CFAP100: variants seen among roughly 807,000 people sequenced by gnomAD.
CFAP100 encodes the protein cilia and flagella associated protein 100.
A neutral mutation model predicts 81.5 loss-of-function variants in CFAP100; 70 were observed. The observed-to-expected ratio is 0.86, with a 90% CI of 0.71 to 1.05. CFAP100 has a LOEUF of 1.05. Ranked by LOEUF, CFAP100 falls within the 50% of genes least tolerant of loss-of-function variation. The pLI is 0.00. For synonymous variants in CFAP100, 341 were observed against 314.8 expected (o/e 1.08, Z -0.88); for missense variants, 811 against 776.5 (o/e 1.04, Z -0.53).
rs1265039620 is a variant in CFAP100 at position 126,435,595 on chromosome 3, A to G, written c.1665A>G (p.Leu555=). Residue 555 remains leucine, a synonymous_variant, in exon 16 of 17, where the codon CTA becomes CTG. Coordinates refer to ENST00000352312, the MANE Select transcript of CFAP100 (RefSeq NM_182628.3). ...AGAAGCTCCAGATGCAAAAGATCCT[A>G]CAGGAGGAGCATCTGCAGCGGGCCC... The part of the protein sequence containing the change: ...REEKLQMQKI[L]QEEHLQRARA... The G allele has an allele frequency of 6.2e-7, 1 of 1,612,480 alleles. No homozygotes were observed. The highest frequency in any genetic ancestry group is 2.2e-5 in the East Asian group (1 of 44,754).
chr3:126,426,502 A>G (rs1932944121), intron 13 of CFAP100, among the ~76,000 whole-genome samples: 1 of 151,518 alleles, frequency 6.6e-6, no homozygotes, highest in Non-Finnish European at 1.5e-5. Context: ...CTGTAATCCC[A>G]GCACTTTGGG....
intron 2 of CFAP100, among the ~76,000 whole-genome samples, chr3:126,400,009 G>A (rs2082948658): frequency 6.6e-6 from 1 of 152,182 alleles, no homozygotes; most frequent in South Asian, 2.1e-4. Flanking sequence ...TCCAACTCCA[G>A]GGTCTAAAGC....
At chr3:126,418,239 C>T in intron 5 of CFAP100, 1 of 571,560 alleles carries the variant, frequency 1.7e-6, no homozygotes, top group East Asian at 3.0e-5. Context: ...TCCCACGCGG[C>T]CGGACTCTGG....
intron 11 of CFAP100, 34 bp from the exon 12 acceptor site, chr3:126,423,291 G>C: frequency 1.3e-6 from 2 of 1,594,632 alleles, no homozygotes; most frequent in Non-Finnish European, 1.7e-6. Flanking sequence ...GCTCAGGCTG[G>C]TCCCAGAGTC....
At chr3:126,418,325 T>A (rs1204459558) in intron 5 of CFAP100, 133 bp from the exon 6 acceptor site, 7 of 709,648 alleles carry the variant, frequency 9.9e-6, no homozygotes, top group Non-Finnish European at 1.7e-5. Flanking sequence ...CTACCTTCCA[T>A]GGTCCCGGTA....
chr3:126,398,425 C>T (rs1360193824), intron 2 of CFAP100, among the ~76,000 whole-genome samples: 3 of 152,222 alleles, frequency 2.0e-5, no homozygotes, highest in Non-Finnish European at 4.4e-5. Flanking sequence ...GTACAAGACT[C>T]CAGAAGGAGC....
chr3:126,421,247 G>A (rs1295170288), intron 11 of CFAP100, among the ~76,000 whole-genome samples: 3 of 151,842 alleles, frequency 2.0e-5, no homozygotes, highest in Admixed American at 6.6e-5. Flanking sequence ...CAGGTGATCC[G>A]CCCGCCTCAG....
At chr3:126,419,273 C>T in intron 8 of CFAP100, 117 bp downstream of exon 8, 2 of 674,012 alleles carry the variant, frequency 3.0e-6, no homozygotes, top group Admixed American at 6.2e-5. Flanking sequence ...CTCCCAGGGA[C>T]TCTGCTTCCA....
In CFAP100 at chr3:126,414,198, C is replaced by T. The variant is rs371091744; in HGVS notation, c.225+19C>T. On this transcript the variant is annotated intron_variant, in intron 4 of 16. Transcript: ENST00000352312. Reference sequence around the variant, plus strand: ...TCTCTCCGTGAGTATCCAGGACAGACGCCAGCACCTCCGGGAGCTTCCCTG... The same window carrying T: ...TCTCTCCGTGAGTATCCAGGACAGATGCCAGCACCTCCGGGAGCTTCCCTG... The T allele has an allele frequency of 1.7e-4, 268 of 1,576,020 alleles. 1 individual carries two copies. The highest frequency in any genetic ancestry group is 7.2e-4 in the South Asian group (65 of 90,254).
intron 2 of CFAP100, among the ~76,000 whole-genome samples, chr3:126,400,677 G>A (rs1049902109): frequency 3.3e-5 from 5 of 152,136 alleles, no homozygotes; most frequent in East Asian, 1.9e-4. Flanking sequence ...GCGTGAACCC[G>A]GGAGGCGGAG....
chr3:126,427,187 A>G (rs551440737), intron 13 of CFAP100, among the ~76,000 whole-genome samples: 22 of 152,356 alleles, frequency 1.4e-4, no homozygotes, highest in African/African-American at 5.0e-4. Context: ...AATACCCAGA[A>G]TAGCCAACAC....
chr3:126,433,196 G>A lies in CFAP100; in HGVS notation c.1414G>A (p.Asp472Asn), dbSNP rs745569292. 226 of 1,613,906 alleles carry A rather than the reference G, an allele frequency of 1.4e-4. No individual in the cohort carries two copies. The highest frequency in any genetic ancestry group is 1.8e-4 in the Non-Finnish European group (217 of 1,179,964). The change falls in exon 14 of 17, where the codon GAT (aspartate) becomes AAT (asparagine). Residue 472 changes from aspartate (D) to asparagine (N), a missense_variant. Transcript: ENST00000352312. ...RVFHFGEYKG[D>N]QQDKLLESLN... Reference sequence around the variant, plus strand: ...CTTCCACTTCGGCGAGTACAAGGGCGATCAGCAGGTAGGCTGGGGATCAAG... The same window carrying A: ...CTTCCACTTCGGCGAGTACAAGGGCAATCAGCAGGTAGGCTGGGGATCAAG...
chr3:126,396,146 C>G, intron 2 of CFAP100, 97 bp downstream of exon 2: 1 of 930,084 alleles, frequency 1.1e-6, no homozygotes, highest in South Asian at 1.3e-5. Context: ...AAACCAAACA[C>G]TAGGCAGGAG....
chr3:126,414,142 T>A lies in CFAP100; in HGVS notation c.188T>A (p.Phe63Tyr), dbSNP rs763599839. The A allele has an allele frequency of 6.2e-7, 1 of 1,614,110 alleles. No individual in the cohort carries two copies. The highest frequency in any genetic ancestry group is 1.7e-5 in the Admixed American group (1 of 60,022). ...PFHLSGDVDF[F>Y]LLRDQERNKA... ...CACTTATCTGGGGATGTGGATTTCT[T>A]CTTGCTCAGAGATCAGGAGCGGAAT... Residue 63 changes from phenylalanine to tyrosine, a missense_variant, in exon 4 of 17, where the codon TTC (phenylalanine) becomes TAC (tyrosine). Phe to Tyr is a conservative substitution (Grantham distance 22). Transcript: ENST00000352312.
chr3:126,401,892 C>A (rs191786694), intron 2 of CFAP100, among the ~76,000 whole-genome samples: 1 of 152,310 alleles, frequency 6.6e-6, no homozygotes, highest in African/African-American at 2.4e-5. Context: ...GGCTCCTCTT[C>A]AGCTCTGCCT....
chr3:126,407,189 A>G lies in CFAP100; in HGVS notation c.67A>G (p.Met23Val), dbSNP rs367729800. ...MTNDKNSLES[M>V]NISSSSSTEE... ...CTCCTCAGAGAACAGCCTGGAATCCATGAACATCAGCTCTTCTTCAAGCAC... is the reference window on the plus strand; with the variant it reads ...CTCCTCAGAGAACAGCCTGGAATCCGTGAACATCAGCTCTTCTTCAAGCAC... The change falls in exon 3 of 17, where the codon ATG becomes GTG. Residue 23 changes from methionine to valine, a missense_variant. Physicochemically the swap from Met to Val is conservative, Grantham distance 21 (BLOSUM62 1). Coordinates refer to ENST00000352312, the MANE Select transcript of CFAP100 (RefSeq NM_182628.3). The G allele has an allele frequency of 3.1e-6, 5 of 1,613,684 alleles. No homozygotes were observed. The Admixed American group carries it at 5.0e-5, about 16-fold the overall frequency.
At position 126,420,103 on chromosome 3, in the gene CFAP100, A is replaced by T; in HGVS notation, c.956A>T (p.Glu319Val). 6.2e-7 allele frequency: 1 copy of T among 1,613,298 alleles called. No homozygotes were observed. The highest frequency in any genetic ancestry group is 8.5e-7 in the Non-Finnish European group (1 of 1,180,006). ...KGKASSMWAK[E>V]GQGTKKPWRF... is the part of the protein sequence containing the mutation. ...GAAACTATTCCTCTGCTTTCTCCAG[A>T]GGGTCAGGGTACAAAGAAGCCCTGG... The change falls in exon 11 of 17, where the codon GAG (glutamate) becomes GTG (valine). Residue 319 changes from glutamate to valine, a missense_variant and splice_region_variant. Glu to Val is a moderately radical substitution (Grantham distance 121). Coordinates refer to ENST00000352312, the MANE Select transcript of CFAP100 (RefSeq NM_182628.3).
chr3:126,428,963 G>A (rs1933069754), intron 13 of CFAP100, among the ~76,000 whole-genome samples: 1 of 151,948 alleles, frequency 6.6e-6, no homozygotes, highest in Non-Finnish European at 1.5e-5. Context: ...AAAAAAATGA[G>A]CCAGGTGTGG....
chr3:126,414,323 T>C (rs780925062), intron 4 of CFAP100, 144 bp downstream of exon 4: 2 of 752,300 alleles, frequency 2.7e-6, no homozygotes, highest in South Asian at 2.7e-5. Context: ...CCACTTACTA[T>C]AAAATCAGCT....
Sources: gnomAD v4.1 joint callset for allele counts (sites outside exome capture counted in the v4.1 genomes callset) on GRCh38, gnomAD v4.1.1 for gene constraint, MANE v1.5 for transcripts, NCBI Gene and HGNC (gene_info 2026-07-23, HGNC 2026-07-21) for gene names.